Variants in ITSN1 observed in about 807,000 individuals in gnomAD.
ITSN1 encodes the protein intersectin-1.
In ITSN1, 58 loss-of-function variants were observed where a neutral mutation model predicts 239.8. The ratio of observed to expected loss-of-function variants is 0.24; its 90% confidence interval spans 0.20 to 0.30. The LOEUF is 0.30. ITSN1 is among the 10% of genes least tolerant of loss of function. The pLI, the probability that ITSN1 is intolerant of heterozygous loss-of-function variation, is 1.00. For synonymous variants in ITSN1, 780 were observed against 770.8 expected, an observed-to-expected ratio of 1.01 and a Z score of -0.20; for missense variants, 1,558 against 2,103.3, an observed-to-expected ratio of 0.74 and a Z score of 5.07.
At chr21:33,839,644 A>G (rs980224196) in intron 29 of ITSN1, among the ~76,000 whole-genome samples, 1 of 152,102 alleles carries the variant, frequency 6.6e-6, no homozygotes. Flanking sequence ...GCTGGAAGGG[A>G]TGCAGTTGTC....
rs1555979741 is a variant in ITSN1 at position 33,895,642 on chromosome 21, C to CAT, written c.*7342_*7343insAT. ...GTATTTGTGTGTGTGCGTGTGTGTG[C>CAT]GTGTGTATGTGCGTGTATGCATGTG... On this transcript the variant is annotated 3_prime_UTR_variant, in exon 40 of 40. Coordinates refer to ENST00000381318, the MANE Select transcript of ITSN1 (RefSeq NM_003024.3). 1.4e-5 allele frequency: 2 copies of CAT among 148,112 alleles called. No individual in the cohort carries two copies. Among genetic ancestry groups the CAT allele is most frequent in the Non-Finnish European group, 1.5e-5 (1 of 66,842 alleles). The allele number at this position is 148,112 out of a possible 1,614,324, so 9.2% of individuals were successfully genotyped here. A position where few individuals can be genotyped will look rare whatever the true frequency, so the allele number is the denominator to read the frequency against.
At chr21:33,803,867 T>A (rs1486856418) in intron 20 of ITSN1, among the ~76,000 whole-genome samples, 1 of 152,182 alleles carries the variant, frequency 6.6e-6, no homozygotes, top group Non-Finnish European at 1.5e-5. Flanking sequence ...CTAGGCATAA[T>A]TCGTTGGCTT....
intron 5 of ITSN1, among the ~76,000 whole-genome samples, chr21:33,743,372 A>G: frequency 6.6e-6 from 1 of 152,248 alleles, no homozygotes; most frequent in South Asian, 2.1e-4. Context: ...AGGCTGAGGC[A>G]TGAGAATCGC....
At chr21:33,727,913 G>T (rs2065926633) in intron 4 of ITSN1, among the ~76,000 whole-genome samples, 1 of 151,432 alleles carries the variant, frequency 6.6e-6, no homozygotes, top group African/African-American at 2.4e-5. Context: ...TCTGGACTGG[G>T]TTCTCTCTTT....
At chr21:33,658,376 C>T (rs1440904521) in intron 1 of ITSN1, among the ~76,000 whole-genome samples, 2 of 152,078 alleles carry the variant, frequency 1.3e-5, no homozygotes, top group Non-Finnish European at 2.9e-5. Context: ...TTATACAAAC[C>T]GAGGTGGTAT....
intron 33 of ITSN1, among the ~76,000 whole-genome samples, chr21:33,868,416 AG>A (rs1352674884): frequency 1.3e-5 from 2 of 152,222 alleles, no homozygotes; most frequent in Non-Finnish European, 2.9e-5. Flanking sequence ...CCACGGAGGC[AG>A]GGGAAGGCTC....
At chr21:33,718,552 A>G (rs1333165432) in intron 1 of ITSN1, among the ~76,000 whole-genome samples, 1 of 152,178 alleles carries the variant, frequency 6.6e-6, no homozygotes, top group Admixed American at 6.5e-5. Context: ...ATTTTATATC[A>G]GGGACTTGAG....
rs935213310 is a variant in ITSN1 at position 33,710,366 on chromosome 21, G to A, written c.-32-8431G>A. 1.6e-4 allele frequency among the ~76,000 whole-genome samples: 24 copies of A among 151,804 alleles called. No homozygotes were observed. The South Asian group carries it at 2.1e-3, about 13-fold the overall frequency. The stretch of plus-strand genomic sequence containing the variant: ...ATTACAGGCGTGAGCCACCACACCC[G>A]GCCTGGTTTTTTTTAATCATGATTG... On this transcript the variant is annotated intron_variant, in intron 1 of 39. Transcript: ENST00000381318.
intron 27 of ITSN1, among the ~76,000 whole-genome samples, chr21:33,831,757 CA>C (rs747824984): frequency 4.2e-4 from 64 of 152,278 alleles, no homozygotes; most frequent in Non-Finnish European, 6.5e-4. Context: ...ATAGAAGGCA[CA>C]ACCTGGAGTG....
chr21:33,741,089 C>G (rs2066821581), intron 5 of ITSN1, among the ~76,000 whole-genome samples: 2 of 152,088 alleles, frequency 1.3e-5, no homozygotes, highest in Admixed American at 1.3e-4. Flanking sequence ...TGAGGTTAGC[C>G]TCCTTTTAGG....
intron 32 of ITSN1, among the ~76,000 whole-genome samples, chr21:33,866,543 G>A (rs1032499727): frequency 2.0e-5 from 3 of 151,922 alleles, no homozygotes; most frequent in Non-Finnish European, 4.4e-5. Context: ...AATGTGGCAC[G>A]TCGTTGCCAG....
intron 1 of ITSN1, among the ~76,000 whole-genome samples, chr21:33,677,704 T>G (rs1384272990): frequency 6.6e-6 from 1 of 152,174 alleles, no homozygotes; most frequent in Non-Finnish European, 1.5e-5. Context: ...CTCGTCTTAG[T>G]AAATAGCGCT....
chr21:33,856,701 T>C lies in ITSN1; in HGVS notation c.3662-35T>C, dbSNP rs200600602. ...TGAAGTTGTGTGGGCTTCCCCAGAC[T>C]GTGCTAAGTTCTCCCAAATGGTTGT... On this transcript the variant is annotated intron_variant, in intron 29 of 39. Transcript: ENST00000381318. The C allele has an allele frequency of 2.7e-5, 44 of 1,613,142 alleles. No individual in the cohort carries two copies. In the South Asian group the frequency reaches 4.8e-4, roughly 18 times the overall value.
At chr21:33,762,281 T>C (rs1223568023) in intron 9 of ITSN1, among the ~76,000 whole-genome samples, 1 of 152,058 alleles carries the variant, frequency 6.6e-6, no homozygotes, top group Non-Finnish European at 1.5e-5. Flanking sequence ...TTTTTTTTTT[T>C]TTGAGATGGA....
chr21:33,724,743 A>G (rs372883227), intron 4 of ITSN1, among the ~76,000 whole-genome samples: 17 of 152,352 alleles, frequency 1.1e-4, no homozygotes, highest in Admixed American at 6.5e-4. Flanking sequence ...GGAGGGAGAC[A>G]ATAACAACAC....
Position 33,895,008 on chromosome 21 carries a change from T to TGGGGTGTA in ITSN1, c.*6713_*6720dup, listed in dbSNP as rs1384574486. On this transcript the variant is annotated 3_prime_UTR_variant, in exon 40 of 40. Transcript: ENST00000381318. ...ATCGCAGAAGGAGTTATTGGTGATG[T>TGGGGTGTA]GGGGTGTAGGGGAAGACAGGAAAAC... 1 of 82,186 alleles carries TGGGGTGTA rather than the reference T, an allele frequency of 1.2e-5. No homozygotes were observed. Among genetic ancestry groups the TGGGGTGTA allele is most frequent in the Non-Finnish European group, 2.7e-5 (1 of 37,712 alleles). 5.1% of individuals were successfully genotyped at this position (82,186 alleles called of 1,614,324 possible). A position where few individuals can be genotyped will look rare whatever the true frequency, so the allele number is the denominator to read the frequency against.
rs142196969 is a variant in ITSN1 at position 33,766,052 on chromosome 21, T to C, written c.926+40T>C. 25 of 1,607,338 alleles carry C rather than the reference T, an allele frequency of 1.6e-5. No homozygotes were observed. The African/African-American group carries it at 2.5e-4, about 16-fold the overall frequency. ...CTCTGATCAGGAATTGTATGCGGAG[T>C]ATATGAATTCCAAACTTGGCTTTAT... On this transcript the variant is annotated intron_variant, in intron 10 of 39. Coordinates refer to ENST00000381318, the MANE Select transcript of ITSN1 (RefSeq NM_003024.3).
Position 33,834,323 on chromosome 21 carries a change from G to T in ITSN1, c.3368G>T (p.Arg1123Leu). 6.2e-7 allele frequency: 1 copy of T among 1,613,790 alleles called. No homozygotes were observed. The highest frequency in any genetic ancestry group is 8.5e-7 in the Non-Finnish European group (1 of 1,179,784). Residue 1123 changes from arginine (R) to leucine (L), a missense_variant, in exon 28 of 40, where the codon CGC (arginine) becomes CTC (leucine). Physicochemically the swap from Arg to Leu is moderately radical, Grantham distance 102 (BLOSUM62 -2). Transcript: ENST00000381318. The part of the protein sequence containing the change: ...EGELQARGKK[R>L]QIGWFPANYV... ...TCTTACTAGGCACGTGGGAAAAAGC[G>T]CCAGATAGGCTGGTTCCCAGCTAAT...
At chr21:33,832,811 T>C (rs1438496614) in intron 27 of ITSN1, among the ~76,000 whole-genome samples, 2 of 152,236 alleles carry the variant, frequency 1.3e-5, no homozygotes, top group Non-Finnish European at 2.9e-5. Context: ...GGTATCCCTC[T>C]TGATAAACTG....
Sources: gnomAD v4.1 joint callset for allele counts (sites outside exome capture counted in the v4.1 genomes callset) on GRCh38, gnomAD v4.1.1 for gene constraint, MANE v1.5 for transcripts, NCBI Gene and HGNC (gene_info 2026-07-23, HGNC 2026-07-21) for gene names.